The following PCDHGC5 variants were observed in gnomAD, a reference collection of about 807,000 sequenced individuals.
PCDHGC5 encodes protocadherin gamma subfamily C, 5.
In PCDHGC5, 25 loss-of-function variants were observed where a neutral mutation model predicts 59.0. That is an observed-to-expected ratio of 0.42 (90% CI 0.31 to 0.59). The LOEUF (loss-of-function observed/expected upper bound fraction) is 0.59, where lower values mean the gene tolerates loss of function less well. Among genes scored for constraint, PCDHGC5 ranks in the 20% least tolerant of loss-of-function variants. The pLI is 0.13. For synonymous variants in PCDHGC5, 434 were observed against 505.5 expected (o/e 0.86, Z 1.90); for missense variants, 1,067 against 1,206.4 (o/e 0.88, Z 1.71).
chr5:141,490,948 G>T lies in PCDHGC5; in HGVS notation c.1708G>T (p.Asp570Tyr). 1 of 1,613,756 alleles carries T rather than the reference G, an allele frequency of 6.2e-7. No homozygotes were observed. The highest frequency in any genetic ancestry group is 8.5e-7 in the Non-Finnish European group (1 of 1,179,810). Residue 570 changes from aspartate (D) to tyrosine (Y), a missense_variant, in exon 1 of 4, where the codon GAC (aspartate) becomes TAC (tyrosine). Coordinates refer to ENST00000252087, the MANE Select transcript of PCDHGC5 (RefSeq NM_018929.3). The surrounding 1 kb of genome is among the most constrained non-coding windows in gnomAD (Gnocchi z 5.4). ...NAPAVLHPRP[D>Y]WEHSAPQRLP... The stretch of plus-strand genomic sequence containing the variant: ...CCCAGCTGTGCTGCACCCACGGCCA[G>T]ACTGGGAACACTCAGCCCCCCAGCG...
intron 2 of PCDHGC5, among the ~76,000 whole-genome samples, chr5:141,496,467 TC>T (rs1289225541): frequency 1.3e-5 from 2 of 152,176 alleles, no homozygotes; most frequent in Admixed American, 1.3e-4. Flanking sequence ...GAGTTATCTT[TC>T]CCCCATCCTG....
At position 141,494,730 on chromosome 5, in the gene PCDHGC5, G is replaced by A. The variant is rs1595262506; in HGVS notation, c.2461-77G>A. 18 of 1,609,816 alleles carry A rather than the reference G, an allele frequency of 1.1e-5. No individual in the cohort carries two copies. In the East Asian group the frequency reaches 4.0e-4, roughly 36 times the overall value. On this transcript the variant is annotated intron_variant, in intron 1 of 3. Coordinates refer to ENST00000252087, the MANE Select transcript of PCDHGC5 (RefSeq NM_018929.3). ...GTGCCCACTCCCCTCCTTCTCTCCC[G>A]GCCCATCCCTAGGGGCTCGGGTGAC...
Position 141,489,322 on chromosome 5 carries a change from T to G in PCDHGC5, c.82T>G (p.Ser28Ala). 1.9e-6 allele frequency: 3 copies of G among 1,601,052 alleles called. No homozygotes were observed. The highest frequency in any genetic ancestry group is 2.2e-5 in the East Asian group (1 of 44,726). Residue 28 changes from serine (S) to alanine (A), a missense_variant, in exon 1 of 4, where the codon TCT (serine) becomes GCT (alanine). Transcript: ENST00000252087. This position sits in a 1 kb window ranked among gnomAD's most constrained non-coding sequence, Gnocchi z 4.5. ...MLSLCCWGWV[S>A]GQLRYSVVEE... The stretch of plus-strand genomic sequence containing the variant: ...GTCCTTGTGCTGCTGGGGCTGGGTG[T>G]CTGGGCAGCTTCGTTACTCAGTGGT...
At position 141,489,786 on chromosome 5, in the gene PCDHGC5, G is replaced by A. The variant is rs758119518; in HGVS notation, c.546G>A (p.Val182=). 8.7e-6 allele frequency: 14 copies of A among 1,614,194 alleles called. No individual in the cohort carries two copies. Among genetic ancestry groups the A allele is most frequent in the Non-Finnish European group, 1.2e-5 (14 of 1,180,014 alleles). ...CCAACAGCCACTTCTCTCTGAATGTGAAGACCCTAAAAGATGGGAAGCCAT... is the reference window on the plus strand; with the variant it reads ...CCAACAGCCACTTCTCTCTGAATGTAAAGACCCTAAAAGATGGGAAGCCAT... ...LSPNSHFSLN[V]KTLKDGKPFP... Residue 182 remains valine (V), a synonymous_variant, in exon 1 of 4, where the codon GTG becomes GTA. Transcript: ENST00000252087. This position sits in a 1 kb window ranked among gnomAD's most constrained non-coding sequence, Gnocchi z 4.5.
intron 2 of PCDHGC5, among the ~76,000 whole-genome samples, chr5:141,499,885 G>A (rs945162089): frequency 2.6e-5 from 4 of 151,850 alleles, no homozygotes; most frequent in Non-Finnish European, 4.4e-5. Flanking sequence ...ACAGGGTTTC[G>A]CCATGTTGGC....
chr5:141,489,284 T>A lies in PCDHGC5; in HGVS notation c.44T>A (p.Val15Glu). Residue 15 changes from valine (V) to glutamate (E), a missense_variant, in exon 1 of 4, where the codon GTG becomes GAG. By Grantham distance (121) the Val-to-Glu change is moderately radical. Transcript: ENST00000252087. This position sits in a 1 kb window ranked among gnomAD's most constrained non-coding sequence, Gnocchi z 4.5. The part of the protein sequence containing the change: ...TLPQLAGKWQ[V>E]LCMLSLCCWG... ...CCACAGCTCGCTGGGAAATGGCAAG[T>A]GCTGTGCATGTTGTCCTTGTGCTGC... The A allele has an allele frequency of 6.4e-7, 1 of 1,570,016 alleles. No homozygotes were observed. The highest frequency in any genetic ancestry group is 2.2e-5 in the East Asian group (1 of 44,588).
chr5:141,500,901 G>T (rs984072329), intron 2 of PCDHGC5, among the ~76,000 whole-genome samples: 1 of 144,582 alleles, frequency 6.9e-6, no homozygotes, highest in Non-Finnish European at 1.5e-5. Context: ...AGACAGTCTC[G>T]CTCTGTCTCC....
Position 141,489,767 on chromosome 5 carries a change from G to T in PCDHGC5, c.527G>T (p.Ser176Ile), listed in dbSNP as rs2099691977. Residue 176 changes from serine to isoleucine, a missense_variant, in exon 1 of 4, where the codon AGC becomes ATC. Physicochemically the swap from Ser to Ile is moderately radical, Grantham distance 142 (BLOSUM62 -2). Transcript: ENST00000252087. This position sits in a 1 kb window ranked among gnomAD's most constrained non-coding sequence, Gnocchi z 4.5. ...AGCTTTTACACTCTAAGCCCCAACA[G>T]CCACTTCTCTCTGAATGTGAAGACC... ...TVSFYTLSPN[S>I]HFSLNVKTLK... The T allele has an allele frequency of 6.2e-7, 1 of 1,614,028 alleles. No homozygotes were observed. Among genetic ancestry groups the T allele is most frequent in the African/African-American group, 1.3e-5 (1 of 74,938 alleles).
chr5:141,491,598 C>T lies in PCDHGC5; in HGVS notation c.2358C>T (p.Asp786=), dbSNP rs1410472886. The change falls in exon 1 of 4, where the codon GAC becomes GAT. Residue 786 remains aspartate, a synonymous_variant. Transcript: ENST00000252087. This position sits in a 1 kb window ranked among gnomAD's most constrained non-coding sequence, Gnocchi z 6.9. ...TCFSPASDGS[D]FTFLRPLSVQ... ...TTTCACCGGCCTCGGACGGCAGTGA[C>T]TTCACTTTTCTAAGACCCCTCAGCG... 1.4e-5 allele frequency: 22 copies of T among 1,613,872 alleles called. No homozygotes were observed. The highest frequency in any genetic ancestry group is 1.8e-5 in the Non-Finnish European group (21 of 1,180,048).
chr5:141,507,483 T>G (rs2099860964), intron 3 of PCDHGC5, among the ~76,000 whole-genome samples: 1 of 152,184 alleles, frequency 6.6e-6, no homozygotes, highest in South Asian at 2.1e-4. Context: ...GCTGGCCTCC[T>G]GAGGCAGAGC....
At position 141,491,448 on chromosome 5, in the gene PCDHGC5, A is replaced by G; in HGVS notation, c.2208A>G (p.Ser736=). ...GGCAGTGCTGCAGGCGCCAGGACTC[A>G]CCCTCCCCGGACTTCTATAAGCAGT... ...GGGQCCRRQD[S]PSPDFYKQSS... is the part of the protein sequence containing the mutation. Residue 736 remains serine, a synonymous_variant, in exon 1 of 4, where the codon TCA becomes TCG. Coordinates refer to ENST00000252087, the MANE Select transcript of PCDHGC5 (RefSeq NM_018929.3). The surrounding 1 kb of genome is among the most constrained non-coding windows in gnomAD (Gnocchi z 6.9). The G allele has an allele frequency of 6.2e-7, 1 of 1,613,792 alleles. No homozygotes were observed. The highest frequency in any genetic ancestry group is 8.5e-7 in the Non-Finnish European group (1 of 1,179,986).
chr5:141,489,288 G>A lies in PCDHGC5; in HGVS notation c.48G>A (p.Leu16=). 6.3e-7 allele frequency: 1 copy of A among 1,575,870 alleles called. No homozygotes were observed. Among genetic ancestry groups the A allele is most frequent in the Non-Finnish European group, 8.6e-7 (1 of 1,161,152 alleles). The change falls in exon 1 of 4, where the codon CTG becomes CTA. Residue 16 remains leucine (L), a synonymous_variant. Coordinates refer to ENST00000252087, the MANE Select transcript of PCDHGC5 (RefSeq NM_018929.3). The surrounding 1 kb of genome is among the most constrained non-coding windows in gnomAD (Gnocchi z 4.5). The part of the protein sequence containing the change: ...LPQLAGKWQV[L]CMLSLCCWGW... ...AGCTCGCTGGGAAATGGCAAGTGCT[G>A]TGCATGTTGTCCTTGTGCTGCTGGG...
rs754728562 is a variant in PCDHGC5, at chr5:141,489,487, G to A, written c.247G>A (p.Ala83Thr). 6.2e-7 allele frequency: 1 copy of A among 1,613,942 alleles called. No individual in the cohort carries two copies. Residue 83 changes from alanine to threonine, a missense_variant, in exon 1 of 4, where the codon GCC becomes ACC. By Grantham distance (58) the Ala-to-Thr change is moderately conservative. Coordinates refer to ENST00000252087, the MANE Select transcript of PCDHGC5 (RefSeq NM_018929.3). This position sits in a 1 kb window ranked among gnomAD's most constrained non-coding sequence, Gnocchi z 4.5. ...RYFSLSLMSG[A>T]LAVNQKIDRE... is the part of the protein sequence containing the mutation. The stretch of plus-strand genomic sequence containing the variant: ...TTTTTCCCTGAGCTTGATGAGTGGT[G>A]CCCTGGCAGTGAATCAAAAGATTGA...
rs1562187768 is a variant in PCDHGC5, at chr5:141,499,029, A to AAGG, written c.2519+4165_2519+4166insGGA. 5.0e-3 allele frequency among the ~76,000 whole-genome samples: 706 copies of AAGG among 140,066 alleles called. 6 individuals carry two copies. Among genetic ancestry groups the AAGG allele is most frequent in the African/African-American group, 0.019 (683 of 36,064 alleles). The allele number at this position is 140,066 out of a possible 152,430, so 91.9% of individuals were successfully genotyped here. A position where few individuals can be genotyped will look rare whatever the true frequency, so the allele number is the denominator to read the frequency against. ...GGAAGGAAGGAAGGAAGGAAGGAAG[A>AAGG]AAAGAAAGAAAAAGGGAGAAAAAAT... On this transcript the variant is annotated intron_variant, in intron 2 of 3. Transcript: ENST00000252087.
At position 141,489,384 on chromosome 5, in the gene PCDHGC5, T is replaced by G; in HGVS notation, c.144T>G (p.Val48=). The G allele has an allele frequency of 6.2e-7, 1 of 1,613,986 alleles. No individual in the cohort carries two copies. The highest frequency in any genetic ancestry group is 1.3e-5 in the African/African-American group (1 of 75,042). The change falls in exon 1 of 4, where the codon GTT becomes GTG. Residue 48 remains valine, a synonymous_variant. Transcript: ENST00000252087. This position sits in a 1 kb window ranked among gnomAD's most constrained non-coding sequence, Gnocchi z 4.5. ...AGCCGGGGACGCTGGTGGGGAATGT[T>G]GCTCAGGATCTGGGCTTAAAGATGA... The part of the protein sequence containing the change: ...ESEPGTLVGN[V]AQDLGLKMTD...
At chr5:141,500,959 C>T (rs2099804326) in intron 2 of PCDHGC5, among the ~76,000 whole-genome samples, 1 of 152,022 alleles carries the variant, frequency 6.6e-6, no homozygotes, top group South Asian at 2.1e-4. Flanking sequence ...AGCTCCACCT[C>T]CTGGGTTCAA....
chr5:141,492,911 G>A (rs1008138353), intron 1 of PCDHGC5, among the ~76,000 whole-genome samples: 1 of 152,216 alleles, frequency 6.6e-6, no homozygotes, highest in Admixed American at 6.5e-5. Context: ...TGATCACAAT[G>A]TGCCCAGCGA....
chr5:141,495,276 G>A (rs1350329744), intron 2 of PCDHGC5, among the ~76,000 whole-genome samples: 1 of 152,190 alleles, frequency 6.6e-6, no homozygotes, highest in East Asian at 1.9e-4. Flanking sequence ...GACCGGAGGA[G>A]GCGGTCCGCA....
At position 141,511,130 on chromosome 5, in the gene PCDHGC5, G is replaced by A. The variant is rs777082914; in HGVS notation, c.2792G>A (p.Gly931Asp). ...GKRDGKAPAG[G>D]NGNKKKSGKK... ...CGGGATGGCAAGGCCCCAGCAGGTG[G>A]CAATGGCAACAAGAAGAAGTCGGGC... The change falls in exon 4 of 4, where the codon GGC (glycine) becomes GAC (aspartate). Residue 931 changes from glycine (G) to aspartate (D), a missense_variant. Coordinates refer to ENST00000252087, the MANE Select transcript of PCDHGC5 (RefSeq NM_018929.3). 6.2e-7 allele frequency: 1 copy of A among 1,614,210 alleles called. No homozygotes were observed. The highest frequency in any genetic ancestry group is 1.1e-5 in the South Asian group (1 of 91,090).
Sources: allele counts gnomAD v4.1 joint callset (sites outside exome capture counted in the v4.1 genomes callset), GRCh38; gene constraint gnomAD v4.1.1; non-coding constraint Gnocchi (gnomAD v3.1); transcripts MANE v1.5; gene names NCBI Gene and HGNC (gene_info 2026-07-23, HGNC 2026-07-21).